TMEM131: variants seen among roughly 807,000 people sequenced by gnomAD.
The protein encoded by TMEM131 is 2610524E03Rik.
In TMEM131, 66 loss-of-function variants were observed where a neutral mutation model predicts 211.6. That is an observed-to-expected ratio of 0.31 (90% CI 0.26 to 0.38). The LOEUF (loss-of-function observed/expected upper bound fraction) is 0.38. TMEM131 is among the 10% of genes least tolerant of loss of function. The probability of loss-of-function intolerance (pLI) is 1.00; values close to 1 mark genes in which losing one functional copy is unlikely to be tolerated. For synonymous variants in TMEM131, 844 were observed against 841.3 expected (o/e 1.00, Z -0.06); for missense variants, 2,036 against 2,299.3 (o/e 0.89, Z 2.34).
intron 1 of TMEM131, among the ~76,000 whole-genome samples, chr2:97,967,181 T>C (rs571766361): frequency 6.6e-4 from 101 of 152,348 alleles, no homozygotes; most frequent in African/African-American, 2.2e-3. Context: ...TTTCATAAGC[T>C]GACTGATACA....
intron 3 of TMEM131, among the ~76,000 whole-genome samples, chr2:97,889,714 C>A (rs958634624): frequency 6.6e-6 from 1 of 151,832 alleles, no homozygotes; most frequent in Non-Finnish European, 1.5e-5. Context: ...GGCTGTTCTG[C>A]AAATTACAAA....
chr2:97,794,009 AAAAAAAC>A (rs1304235268), intron 29 of TMEM131, among the ~76,000 whole-genome samples: 1 of 149,716 alleles, frequency 6.7e-6, no homozygotes, highest in South Asian at 2.1e-4. Context: ...AAAAAAAAAA[AAAAAAAC>A]AAAAAACCCA....
At chr2:97,943,037 A>AAAGAAAG (rs774698137) in intron 1 of TMEM131, among the ~76,000 whole-genome samples, 136 of 66,002 alleles carry the variant, frequency 2.1e-3, no homozygotes, top group African/African-American at 4.0e-3. Flanking sequence ...AAAAGAAAAG[A>AAAGAAAG]AAAGAAAGAA....
At chr2:97,806,147 T>A (rs978737448) in intron 19 of TMEM131, among the ~76,000 whole-genome samples, 3 of 152,230 alleles carry the variant, frequency 2.0e-5, no homozygotes, top group East Asian at 1.9e-4. Flanking sequence ...CAATTTTTTT[T>A]AAAAGAAAGT....
intron 26 of TMEM131, 151 bp downstream of exon 26, chr2:97,797,214 G>A (rs564751736): frequency 1.2e-6 from 1 of 859,108 alleles, no homozygotes; most frequent in South Asian, 1.8e-5. Flanking sequence ...GATAACAAAG[G>A]TATGTTTCAT....
intron 4 of TMEM131, among the ~76,000 whole-genome samples, chr2:97,874,462 C>T (rs551049765): frequency 3.3e-5 from 5 of 152,216 alleles, no homozygotes; most frequent in East Asian, 3.9e-4. Flanking sequence ...AAATGTTAAG[C>T]GCAGCCAGAG....
chr2:97,797,230 A>T, intron 26 of TMEM131, 135 bp downstream of exon 26: 2 of 920,658 alleles, frequency 2.2e-6, no homozygotes, highest in Non-Finnish European at 3.4e-6. Flanking sequence ...TTCATCAGGC[A>T]TGGAGTGTGT....
intron 1 of TMEM131, among the ~76,000 whole-genome samples, chr2:97,960,335 T>C (rs999266548): frequency 1.3e-5 from 2 of 152,188 alleles, no homozygotes; most frequent in Non-Finnish European, 2.9e-5. Context: ...GGTAATGTCA[T>C]TTTTATTTCC....
At chr2:97,836,284 AG>A (rs1682936302) in intron 8 of TMEM131, among the ~76,000 whole-genome samples, 1 of 152,216 alleles carries the variant, frequency 6.6e-6, no homozygotes, top group Non-Finnish European at 1.5e-5. Flanking sequence ...ACTGGTCAGA[AG>A]ACAGAATCAA....
At chr2:97,928,717 T>C (rs1410506160) in intron 1 of TMEM131, among the ~76,000 whole-genome samples, 1 of 151,754 alleles carries the variant, frequency 6.6e-6, no homozygotes, top group African/African-American at 2.4e-5. Flanking sequence ...GGTTAACCAT[T>C]CTGATGCCAC....
chr2:97,806,901 C>T (rs988836410), intron 19 of TMEM131, among the ~76,000 whole-genome samples: 2 of 152,186 alleles, frequency 1.3e-5, no homozygotes, highest in African/African-American at 4.8e-5. Context: ...AAACACCCGA[C>T]AGCCAGCAGA....
intron 1 of TMEM131, among the ~76,000 whole-genome samples, chr2:97,962,347 CA>C (rs1171689812): frequency 1.3e-5 from 2 of 151,916 alleles, no homozygotes; most frequent in Non-Finnish European, 2.9e-5. Flanking sequence ...ACTAAAAATA[CA>C]AAAAAATTAG....
intron 31 of TMEM131, among the ~76,000 whole-genome samples, chr2:97,783,046 T>A (rs1235086830): frequency 6.7e-6 from 1 of 149,142 alleles, no homozygotes. Flanking sequence ...ATCAAACTTG[T>A]GAAAACTAAA....
At position 97,801,844 on chromosome 2, in the gene TMEM131, A is replaced by T; in HGVS notation, c.2718+51T>A. 4 of 1,345,262 alleles carry T rather than the reference A, an allele frequency of 3.0e-6. No individual in the cohort carries two copies. The South Asian group carries it at 5.6e-5, about 19-fold the overall frequency. 83.3% of individuals were successfully genotyped at this position (1,345,262 alleles called of 1,614,324 possible). A position where few individuals can be genotyped will look rare whatever the true frequency, so the allele number is the denominator to read the frequency against. On this transcript the variant is annotated intron_variant, in intron 25 of 40. Coordinates refer to ENST00000186436, the MANE Select transcript of TMEM131 (RefSeq NM_015348.2). Reference sequence around the variant, plus strand: ...ATAATTTTCTTTCATATTTATATTGATCATATTATAAAATAATTTCTTTGG... The same window carrying T: ...ATAATTTTCTTTCATATTTATATTGTTCATATTATAAAATAATTTCTTTGG...
chr2:97,940,157 T>C (rs1280807494), intron 1 of TMEM131, among the ~76,000 whole-genome samples: 1 of 152,182 alleles, frequency 6.6e-6, no homozygotes, highest in Non-Finnish European at 1.5e-5. Flanking sequence ...TACATAGTGT[T>C]GGAAGTTCTG....
At chr2:97,990,323 A>C (rs1366446642) in intron 1 of TMEM131, among the ~76,000 whole-genome samples, 1 of 152,218 alleles carries the variant, frequency 6.6e-6, no homozygotes, top group South Asian at 2.1e-4. Context: ...ATTGAAAAAA[A>C]AAAAAAGTAC....
At chr2:97,766,372 TGACTAATAAC>T in intron 34 of TMEM131, 96 bp downstream of exon 34, 1 of 1,597,180 alleles carries the variant, frequency 6.3e-7, no homozygotes, top group Non-Finnish European at 8.6e-7. Context: ...TAGCCTTGCA[TGACTAATAAC>T]TACTGACTGC....
intron 31 of TMEM131, among the ~76,000 whole-genome samples, chr2:97,786,132 T>C (rs1471875249): frequency 1.3e-5 from 2 of 152,182 alleles, no homozygotes; most frequent in African/African-American, 2.4e-5. Context: ...GGTATAGTAA[T>C]AGTGTACAGT....
chr2:97,902,353 T>C (rs1675891350), intron 3 of TMEM131, among the ~76,000 whole-genome samples: 1 of 152,200 alleles, frequency 6.6e-6, no homozygotes, highest in Admixed American at 6.5e-5. Flanking sequence ...AATTTATCTG[T>C]ATTCTAGGAT....
Sources: gnomAD v4.1 joint callset for allele counts (sites outside exome capture counted in the v4.1 genomes callset) on GRCh38, gnomAD v4.1.1 for gene constraint, MANE v1.5 for transcripts, NCBI Gene and HGNC (gene_info 2026-07-23, HGNC 2026-07-21) for gene names.